The following PRKG1 variants were observed in gnomAD, a reference collection of about 807,000 sequenced individuals.
PRKG1 encodes cGMP-dependent protein kinase 1.
Under a neutral mutation model 88.1 loss-of-function variants are expected in PRKG1, and 35 were observed. The ratio of observed to expected loss-of-function variants is 0.40; its 90% CI spans 0.30 to 0.53. The LOEUF is 0.53. Ranked by LOEUF, PRKG1 falls within the 20% of genes least tolerant of loss-of-function variation. The probability of loss-of-function intolerance (pLI) is 0.59; values close to 1 mark genes in which losing one functional copy is unlikely to be tolerated. For missense variants in PRKG1, 540 were observed against 839.8 expected, an observed-to-expected ratio of 0.64 and a Z score of 4.41; for synonymous variants, 303 against 292.5, an observed-to-expected ratio of 1.04 and a Z score of -0.37.
chr10:52,089,544 A>G (rs886696471), intron 7 of PRKG1, among the ~76,000 whole-genome samples: 1 of 152,182 alleles, frequency 6.6e-6, no homozygotes, highest in Non-Finnish European at 1.5e-5. Flanking sequence ...AAGATCTTAC[A>G]AGATATACTA....
Position 51,528,251 on chromosome 10 carries a change from C to A in PRKG1, c.592+60415C>A, listed in dbSNP as rs550914259. ...AGTACCTCCTCTCATAACAAATAAT[C>A]CTGATTTTTCATTTGTGGTAGTTAT... On this transcript the variant is annotated intron_variant, in intron 3 of 17. Transcript: ENST00000373980. Among the ~76,000 whole-genome samples the A allele has an allele frequency of 1.3e-4, 20 of 152,198 alleles. No homozygotes were observed. In the South Asian group the frequency reaches 4.1e-3, roughly 32 times the overall value.
intron 3 of PRKG1, among the ~76,000 whole-genome samples, chr10:51,625,020 A>C (rs561245472): frequency 1.3e-5 from 2 of 152,344 alleles, no homozygotes; most frequent in African/African-American, 4.8e-5. Flanking sequence ...ACAAATAACA[A>C]TGTATTGTAT....
At chr10:51,608,762 G>C (rs1838829239) in intron 3 of PRKG1, among the ~76,000 whole-genome samples, 1 of 152,094 alleles carries the variant, frequency 6.6e-6, no homozygotes, top group African/African-American at 2.4e-5. Flanking sequence ...CTTCAGTATG[G>C]TGATAGTGCC....
At chr10:51,754,276 A>G (rs187877607) in intron 3 of PRKG1, among the ~76,000 whole-genome samples, 34 of 152,264 alleles carry the variant, frequency 2.2e-4, no homozygotes, top group African/African-American at 7.7e-4. Context: ...TCAGGTTTCC[A>G]TCTTGATCTA....
At chr10:51,884,263 G>T (rs1841507944) in intron 4 of PRKG1, among the ~76,000 whole-genome samples, 2 of 149,862 alleles carry the variant, frequency 1.3e-5, no homozygotes, top group African/African-American at 4.9e-5. Context: ...TGGCTAACAC[G>T]GTGAAACCCC....
At chr10:51,138,266 T>C (rs1053991963) in intron 1 of PRKG1, among the ~76,000 whole-genome samples, 14 of 152,194 alleles carry the variant, frequency 9.2e-5, no homozygotes, top group African/African-American at 3.4e-4. Flanking sequence ...CAAAACACTG[T>C]ATTCAGCACA....
chr10:51,957,689 A>G (rs530848600), intron 5 of PRKG1, among the ~76,000 whole-genome samples: 1 of 152,346 alleles, frequency 6.6e-6, no homozygotes, highest in East Asian at 1.9e-4. Context: ...CCAGAATAAG[A>G]GAGAGAATCT....
chr10:51,148,400 G>T (rs1012333335), intron 1 of PRKG1: 16 of 339,778 alleles, frequency 4.7e-5, no homozygotes, highest in African/African-American at 3.4e-4. Flanking sequence ...TTTTCAGATT[G>T]CTTTCGCTGA....
intron 3 of PRKG1, among the ~76,000 whole-genome samples, chr10:51,520,988 G>C (rs1178412573): frequency 6.6e-6 from 1 of 152,236 alleles, no homozygotes; most frequent in Non-Finnish European, 1.5e-5. Context: ...TTGGTTTGCT[G>C]ATTATTAAAA....
intron 3 of PRKG1, among the ~76,000 whole-genome samples, chr10:51,775,680 G>C (rs973878607): frequency 1.3e-5 from 2 of 151,860 alleles, no homozygotes; most frequent in African/African-American, 2.4e-5. Context: ...CACCTCCCAG[G>C]TTCAAGCGAT....
intron 1 of PRKG1, among the ~76,000 whole-genome samples, chr10:51,043,937 A>G (rs1843456200): frequency 1.3e-5 from 2 of 152,138 alleles, no homozygotes; most frequent in African/African-American, 2.4e-5. Flanking sequence ...AACACTAGCT[A>G]AACTTTTCTC....
At chr10:51,217,543 G>A (rs994645062) in intron 2 of PRKG1, among the ~76,000 whole-genome samples, 3 of 152,098 alleles carry the variant, frequency 2.0e-5, no homozygotes, top group African/African-American at 7.2e-5. Flanking sequence ...TTAGAATTCA[G>A]TGTTTATTTT....
At chr10:52,162,561 C>T (rs553993028) in intron 9 of PRKG1, among the ~76,000 whole-genome samples, 1 of 151,932 alleles carries the variant, frequency 6.6e-6, no homozygotes, top group Admixed American at 6.6e-5. Context: ...CTATATAATC[C>T]TCCCCTCTTT....
chr10:51,627,118 G>A (rs1839359222), intron 3 of PRKG1, among the ~76,000 whole-genome samples: 2 of 152,076 alleles, frequency 1.3e-5, no homozygotes, highest in African/African-American at 4.8e-5. Flanking sequence ...AAGGAGTCAC[G>A]GTGACTTTCT....
intron 3 of PRKG1, among the ~76,000 whole-genome samples, chr10:51,628,123 T>C (rs911705414): frequency 1.6e-3 from 5 of 3,052 alleles, no homozygotes; most frequent in African/African-American, 2.1e-3. Flanking sequence ...TCTTTATTTC[T>C]CTTTCTTTCT....
chr10:51,607,269 T>C (rs1014941168), intron 3 of PRKG1, among the ~76,000 whole-genome samples: 7 of 152,234 alleles, frequency 4.6e-5, no homozygotes, highest in African/African-American at 1.7e-4. Flanking sequence ...GTTAATTTTT[T>C]ACCGTCCTTA....
intron 9 of PRKG1, among the ~76,000 whole-genome samples, chr10:52,182,882 G>A (rs1839079578): frequency 3.3e-5 from 5 of 152,154 alleles, no homozygotes; most frequent in Admixed American, 2.0e-4. Context: ...TTGGCTCACA[G>A]CTCTTCTACC....
At chr10:51,946,159 C>T (rs1422103638) in intron 5 of PRKG1, among the ~76,000 whole-genome samples, 1 of 151,986 alleles carries the variant, frequency 6.6e-6, no homozygotes, top group Non-Finnish European at 1.5e-5. Flanking sequence ...TTGTTCATTT[C>T]TTTTTATTCT....
intron 5 of PRKG1, chr10:51,909,857 G>A (rs1033997733): frequency 1.3e-5 from 2 of 152,332 alleles, no homozygotes; most frequent in Non-Finnish European, 2.9e-5. Context: ...GTAGGAAAGG[G>A]AAAGTCAGGT....
Sources: allele counts gnomAD v4.1 joint callset (sites outside exome capture counted in the v4.1 genomes callset), GRCh38; gene constraint gnomAD v4.1.1; transcripts MANE v1.5; gene names NCBI Gene and HGNC (gene_info 2026-07-23, HGNC 2026-07-21).